Variants in GPR137 observed in about 807,000 individuals in gnomAD.
The protein encoded by GPR137 is integral membrane protein GPR137.
A neutral mutation model predicts 38.9 loss-of-function variants in GPR137; 20 were observed. The ratio of observed to expected loss-of-function variants is 0.51; its 90% CI spans 0.36 to 0.75. The LOEUF (loss-of-function observed/expected upper bound fraction) is 0.75, where lower values mean the gene tolerates loss of function less well. Ranked by LOEUF, GPR137 falls within the 30% of genes least tolerant of loss-of-function variation. GPR137 has a pLI of 0.00. For synonymous variants in GPR137, 226 were observed against 235.8 expected (o/e 0.96, Z 0.38); for missense variants, 456 against 526.4 (o/e 0.87, Z 1.31).
rs1285707284 is a variant in GPR137, at chr11:64,287,933, A to G, written c.620A>G (p.Tyr207Cys). 6.2e-7 allele frequency: 1 copy of G among 1,601,308 alleles called. No homozygotes were observed. The change falls in exon 3 of 7, where the codon TAC (tyrosine) becomes TGC (cysteine). Residue 207 changes from tyrosine (Y) to cysteine (C), a missense_variant. Coordinates refer to ENST00000438980, the MANE Select transcript of GPR137 (RefSeq NM_001170880.2). ...VARRAPSTSI[Y>C]LEAKGTSVCQ... Reference sequence around the variant, plus strand: ...AGGCGGGCGCCCTCCACTAGCATCTACCTGGAGGCCAAGGTAGGGCTGCAG... The same window carrying G: ...AGGCGGGCGCCCTCCACTAGCATCTGCCTGGAGGCCAAGGTAGGGCTGCAG...
At position 64,288,540 on chromosome 11, in the gene GPR137, G is replaced by C; in HGVS notation, c.913-63G>C. Reference sequence around the variant, plus strand: ...GTTGCAAATCCTGGGTTGGAGTCTGGGGTTGGGCCTGGGAGGCCAGTGCAG... The same window carrying C: ...GTTGCAAATCCTGGGTTGGAGTCTGCGGTTGGGCCTGGGAGGCCAGTGCAG... On this transcript the variant is annotated intron_variant, in intron 5 of 6. Coordinates refer to ENST00000438980, the MANE Select transcript of GPR137 (RefSeq NM_001170880.2). The surrounding 1 kb of genome is among the most constrained non-coding windows in gnomAD (Gnocchi z 5.5). 3.1e-6 allele frequency: 5 copies of C among 1,613,152 alleles called. No homozygotes were observed. The highest frequency in any genetic ancestry group is 4.2e-6 in the Non-Finnish European group (5 of 1,179,612).
chr11:64,284,847 C>A, upstream of GPR137: 1 of 1,505,004 alleles, frequency 6.6e-7, no homozygotes, highest in South Asian at 1.2e-5. Context: ...TTTTTCCTCC[C>A]TCCTTCGGCC....
chr11:64,277,043 C>T, intron 2 of GPR137: 2 of 712,950 alleles, frequency 2.8e-6, no homozygotes, highest in Non-Finnish European at 5.2e-6. Context: ...CGAAGTTCTC[C>T]CTGTTTTATA....
chr11:64,271,624 C>A, upstream of GPR137: 1 of 1,496,756 alleles, frequency 6.7e-7, no homozygotes, highest in Non-Finnish European at 8.9e-7. Context: ...TTAAAGGAGT[C>A]CACAAACTCG....
Position 64,285,952 on chromosome 11 carries a change from A to T in GPR137, c.-573A>T. ...GGCGTCCGCCTCCTCCCTCCCCTTG[A>T]GGCTGGAGCGTGGACGCGGTGGGGG... is the stretch of plus-strand genomic sequence containing the variant. On this transcript the variant is annotated 5_prime_UTR_variant, in exon 1 of 7. Coordinates refer to ENST00000438980, the MANE Select transcript of GPR137 (RefSeq NM_001170880.2). 1.1e-6 allele frequency: 1 copy of T among 908,972 alleles called. No homozygotes were observed. Among genetic ancestry groups the T allele is most frequent in the Non-Finnish European group, 1.3e-6 (1 of 762,012 alleles). 56.3% of individuals were successfully genotyped at this position (908,972 alleles called of 1,614,324 possible).
upstream of GPR137, among the ~76,000 whole-genome samples, chr11:64,271,381 T>TCA (rs58303026): frequency 0.055 from 3,289 of 60,228 alleles, 390 homozygotes; most frequent in African/African-American, 0.077. Context: ...GCCCTGTGAC[T>TCA]CACACACACA....
upstream of GPR137, among the ~76,000 whole-genome samples, chr11:64,274,081 T>C (rs1430741593): frequency 6.6e-6 from 1 of 152,080 alleles, no homozygotes; most frequent in African/African-American, 2.4e-5. Context: ...GACACATAAA[T>C]GAGACACATG....
chr11:64,288,302 G>A lies in GPR137; in HGVS notation c.784-38G>A, dbSNP rs547317408. ...GGCCCTGTCCCACTACCCCTTTGGC[G>A]TGACTGCAGACTGGCACCAGCCCCT... On this transcript the variant is annotated intron_variant, in intron 4 of 6. Coordinates refer to ENST00000438980, the MANE Select transcript of GPR137 (RefSeq NM_001170880.2). The surrounding 1 kb of genome is among the most constrained non-coding windows in gnomAD (Gnocchi z 5.5). 28 of 1,612,954 alleles carry A rather than the reference G, an allele frequency of 1.7e-5. 1 individual carries two copies. The African/African-American group carries it at 2.5e-4, about 15-fold the overall frequency.
At chr11:64,285,645 A>G (rs1435885499), upstream of GPR137, 8 of 984,576 alleles carry the variant, frequency 8.1e-6, no homozygotes, top group Non-Finnish European at 9.6e-6. Flanking sequence ...CCACCCGGGG[A>G]CCCCCTGGAT....
At chr11:64,274,389 G>GAA (rs58134629), upstream of GPR137, among the ~76,000 whole-genome samples, 1 of 105,502 alleles carries the variant, frequency 9.5e-6, no homozygotes, top group African/African-American at 3.6e-5. Context: ...TCTACCTCGA[G>GAA]AAAAAAAAAA....
rs777165681 is a variant in GPR137, at chr11:64,289,109, C to T, written c.1104C>T (p.Ser368=). The T allele has an allele frequency of 1.2e-6, 2 of 1,612,728 alleles. No homozygotes were observed. The highest frequency in any genetic ancestry group is 2.2e-5 in the South Asian group (2 of 91,070). The part of the protein sequence containing the change: ...IGREPGWYGG[S]QTKTTPLLFS... ...GTGAGCCGGGCTGGTATGGGGGCAGCCAGACGAAGACCACTCCTCTGCTCT... is the reference window on the plus strand; with the variant it reads ...GTGAGCCGGGCTGGTATGGGGGCAGTCAGACGAAGACCACTCCTCTGCTCT... The change falls in exon 7 of 7, where the codon AGC becomes AGT. Residue 368 remains serine, a synonymous_variant. Coordinates refer to ENST00000438980, the MANE Select transcript of GPR137 (RefSeq NM_001170880.2).
chr11:64,289,496 T>A, downstream of GPR137: 1 of 1,373,064 alleles, frequency 7.3e-7, no homozygotes, highest in South Asian at 1.5e-5. Flanking sequence ...CGCCCCACAG[T>A]TGTGCACCTG....
intron 2 of GPR137, among the ~76,000 whole-genome samples, chr11:64,277,649 G>C (rs543763675): frequency 6.6e-6 from 1 of 152,266 alleles, no homozygotes; most frequent in South Asian, 2.1e-4. Flanking sequence ...ATCTTGCCCA[G>C]GCTGGTCTCG....
upstream of GPR137, chr11:64,284,688 G>A (rs1446683179): frequency 1.3e-6 from 2 of 1,535,802 alleles, no homozygotes; most frequent in African/African-American, 1.4e-5. Context: ...CAGCACCCCG[G>A]GCTCCGGGCC....
intron 2 of GPR137, 109 bp from the exon 3 acceptor site, chr11:64,287,612 G>A (rs972776974): frequency 3.3e-5 from 52 of 1,553,502 alleles, no homozygotes; most frequent in Non-Finnish European, 4.1e-5. Context: ...ACAGGGCTCA[G>A]ACTGGATGCC....
At chr11:64,271,758 G>C (rs554645051), upstream of GPR137, 142 of 1,428,972 alleles carry the variant, frequency 9.9e-5, 4 homozygotes, top group South Asian at 2.1e-3. Context: ...CTCCGTCCCC[G>C]CGGGGTAGGA....
At chr11:64,287,685 T>A in intron 2 of GPR137, 36 bp from the exon 3 acceptor site, 1 of 1,599,104 alleles carries the variant, frequency 6.3e-7, no homozygotes, top group Non-Finnish European at 8.5e-7. Flanking sequence ...TGCTGAGGGC[T>A]GTTGAGGGCC....
chr11:64,282,030 T>C (rs1455777234), upstream of GPR137, among the ~76,000 whole-genome samples: 2 of 152,174 alleles, frequency 1.3e-5, no homozygotes, highest in Non-Finnish European at 2.9e-5. Context: ...CTCTTAACTC[T>C]TTTACATGCT....
intron 2 of GPR137, 126 bp downstream of exon 2, chr11:64,287,140 T>C (rs906397319): frequency 4.0e-6 from 6 of 1,483,598 alleles, no homozygotes; most frequent in Non-Finnish European, 5.4e-6. Context: ...TGGAAGATCT[T>C]GGAAAAGTTA....
Sources: gnomAD v4.1 joint callset for allele counts (sites outside exome capture counted in the v4.1 genomes callset) on GRCh38, gnomAD v4.1.1 for gene constraint, Gnocchi (gnomAD v3.1) non-coding constraint, MANE v1.5 for transcripts, NCBI Gene and HGNC (gene_info 2026-07-23, HGNC 2026-07-21) for gene names.